Variants in DMKN observed in about 807,000 individuals in gnomAD.
The protein encoded by DMKN is dermokine.
In DMKN, 58 loss-of-function variants were observed where a neutral mutation model predicts 67.6. That is an observed-to-expected ratio of 0.86 (90% CI 0.69 to 1.07). The LOEUF is 1.07. DMKN is among the 50% of genes least tolerant of loss of function. The pLI, the probability that DMKN is intolerant of heterozygous loss-of-function variation, is 0.00. For missense variants in DMKN, 596 were observed against 601.5 expected (o/e 0.99, Z 0.10); for synonymous variants, 240 against 232.3 (o/e 1.03, Z -0.30).
chr19:35,499,809 C>T, intron 13 of DMKN, 149 bp downstream of exon 13: 1 of 747,898 alleles, frequency 1.3e-6, no homozygotes. Context: ...ACCCGAGTCT[C>T]CCTTGCAAAG....
chr19:35,500,650 C>A, intron 11 of DMKN, 70 bp from the exon 12 acceptor site: 1 of 1,519,164 alleles, frequency 6.6e-7, no homozygotes, highest in Non-Finnish European at 8.9e-7. Flanking sequence ...TTCAGAGCCC[C>A]AGTTTCTCCC....
At chr19:35,502,774 G>A in intron 10 of DMKN, 56 bp downstream of exon 10, 2 of 1,592,728 alleles carry the variant, frequency 1.3e-6, no homozygotes, top group South Asian at 2.2e-5. Flanking sequence ...AGGGAGGCTT[G>A]GGGAGAGTCA....
intron 4 of DMKN, 35 bp downstream of exon 4, chr19:35,511,728 G>T: frequency 6.2e-7 from 1 of 1,604,474 alleles, no homozygotes; most frequent in Non-Finnish European, 8.5e-7. Context: ...ATTTCCTCCT[G>T]GTGCACAACT....
At chr19:35,505,512 A>T (rs1376511281) in intron 9 of DMKN, among the ~76,000 whole-genome samples, 1 of 151,946 alleles carries the variant, frequency 6.6e-6, no homozygotes, top group African/African-American at 2.4e-5. Flanking sequence ...CCTCTGCTCA[A>T]CCTCAATCTC....
In DMKN at chr19:35,511,561, G is replaced by A. The variant is rs776607325; in HGVS notation, c.768C>T (p.Gly256=). Reference sequence around the variant, plus strand: ...TGTTGTTGTCACCATTGCTGCCACTGCCACTGCTGCCCGACTGTGAGCCGC... The same window carrying A: ...TGTTGTTGTCACCATTGCTGCCACTACCACTGCTGCCCGACTGTGAGCCGC... The part of the protein sequence containing the change: ...GGSGSQSGSS[G]SGSNGDNNNG... The change falls in exon 5 of 16, where the codon GGC becomes GGT. Residue 256 remains glycine, a synonymous_variant. Coordinates refer to ENST00000339686, the MANE Select transcript of DMKN (RefSeq NM_033317.5). 1 of 1,608,880 alleles carries A rather than the reference G, an allele frequency of 6.2e-7. No individual in the cohort carries two copies. Among genetic ancestry groups the A allele is most frequent in the Non-Finnish European group, 8.5e-7 (1 of 1,178,624 alleles).
Position 35,505,962 on chromosome 19 carries a change from ACATCCCAGGAGACGT to A in DMKN, c.1048_1062del (p.Thr350_Met354del). ...ACCTTCCAGAAAGTGTCAAAGTTAA[ACATCCCAGGAGACGT>A]CTCAGAGTTCTATGGAACCAAGGAG... is the stretch of plus-strand genomic sequence containing the variant. On this transcript the variant is annotated inframe_deletion, in exon 8 of 16. Coordinates refer to ENST00000339686, the MANE Select transcript of DMKN (RefSeq NM_033317.5). 6.2e-7 allele frequency: 1 copy of A among 1,614,176 alleles called. No individual in the cohort carries two copies. Among genetic ancestry groups the A allele is most frequent in the Non-Finnish European group, 8.5e-7 (1 of 1,180,040 alleles).
At chr19:35,501,941 A>G (rs1447648632) in intron 11 of DMKN, 195 bp downstream of exon 11, 2 of 1,557,318 alleles carry the variant, frequency 1.3e-6, no homozygotes, top group Admixed American at 1.9e-5. Flanking sequence ...CTCGGCTTTT[A>G]TGCTAGGGAG....
intron 7 of DMKN, chr19:35,508,647 T>C (rs1488303847): frequency 1.2e-5 from 2 of 169,678 alleles, no homozygotes; most frequent in Non-Finnish European, 2.5e-5. Flanking sequence ...ATCAATTTCC[T>C]CCTCTCTGTT....
intron 7 of DMKN, among the ~76,000 whole-genome samples, chr19:35,508,853 G>A (rs1305692837): frequency 1.3e-5 from 2 of 152,092 alleles, no homozygotes; most frequent in Non-Finnish European, 2.9e-5. Flanking sequence ...GGTACACCAA[G>A]AGCAAAAACC....
chr19:35,512,767 G>C lies in DMKN; in HGVS notation c.450C>G (p.Ile150Met). ...GAWETSGGHG[I>M]FGSQGGLGGQ... Reference sequence around the variant, plus strand: ...CTCCAAGGCCACCTTGAGAGCCAAAGATGCCATGGCCTCCAGAAGTTTCCT... The same window carrying C: ...CTCCAAGGCCACCTTGAGAGCCAAACATGCCATGGCCTCCAGAAGTTTCCT... The change falls in exon 2 of 16, where the codon ATC becomes ATG. Residue 150 changes from isoleucine to methionine, a missense_variant. By Grantham distance (10) the Ile-to-Met change is conservative. Coordinates refer to ENST00000339686, the MANE Select transcript of DMKN (RefSeq NM_033317.5). 1 of 1,613,824 alleles carries C rather than the reference G, an allele frequency of 6.2e-7. No individual in the cohort carries two copies. The highest frequency in any genetic ancestry group is 1.1e-5 in the South Asian group (1 of 91,074).
intron 13 of DMKN, 24 bp from the exon 14 acceptor site, chr19:35,498,921 G>A: frequency 1.2e-6 from 2 of 1,614,176 alleles, no homozygotes; most frequent in Non-Finnish European, 1.7e-6. Context: ...AAAGGAAAGT[G>A]ATGTGGGGTC....
chr19:35,507,346 G>T, intron 7 of DMKN: 1 of 1,089,238 alleles, frequency 9.2e-7, no homozygotes, highest in Non-Finnish European at 1.3e-6. Context: ...ACTGGACGCA[G>T]ATTCAGAGCA....
chr19:35,508,314 T>C (rs926639935), intron 7 of DMKN: 2 of 1,518,170 alleles, frequency 1.3e-6, no homozygotes, highest in Non-Finnish European at 1.8e-6. Flanking sequence ...AATGTATTGA[T>C]TTAATATGAT....
chr19:35,504,545 T>C (rs1319268862), intron 9 of DMKN, among the ~76,000 whole-genome samples: 1 of 130,672 alleles, frequency 7.7e-6, no homozygotes, highest in African/African-American at 3.0e-5. Flanking sequence ...ACCACTACAC[T>C]CCAACCTGGG....
chr19:35,511,392 A>C lies in DMKN; in HGVS notation c.918+19T>G, dbSNP rs758510081. The C allele has an allele frequency of 3.1e-6, 5 of 1,607,040 alleles. No individual in the cohort carries two copies. In the East Asian group the frequency reaches 6.7e-5, roughly 21 times the overall value. Reference sequence around the variant, plus strand: ...GGGCCTCACCCCATCTCAGCCTTCCACAGAGGTGCCAAACTCACCCAGGAG... The same window carrying C: ...GGGCCTCACCCCATCTCAGCCTTCCCCAGAGGTGCCAAACTCACCCAGGAG... On this transcript the variant is annotated intron_variant, in intron 5 of 15. Coordinates refer to ENST00000339686, the MANE Select transcript of DMKN (RefSeq NM_033317.5).
chr19:35,513,154 T>C lies in DMKN; in HGVS notation c.322A>G (p.Asn108Asp). Residue 108 changes from asparagine to aspartate, a missense_variant, in exon 1 of 16, where the codon AAC (asparagine) becomes GAC (aspartate). Physicochemically the swap from Asn to Asp is conservative, Grantham distance 23. Transcript: ENST00000339686. ...RVGEAAHALG[N>D]TGHEIGRQAE... ...TGTCTGCCAATCTCGTGCCCAGTGT[T>C]TCCCAGAGCATGGGCTGCTTCCCCG... The C allele has an allele frequency of 2.5e-6, 4 of 1,614,156 alleles. No individual in the cohort carries two copies. The highest frequency in any genetic ancestry group is 3.4e-6 in the Non-Finnish European group (4 of 1,180,022).
At position 35,513,293 on chromosome 19, in the gene DMKN, C is replaced by T. The variant is rs1209021113; in HGVS notation, c.183G>A (p.Gly61=). The change falls in exon 1 of 16, where the codon GGG becomes GGA. Residue 61 remains glycine, a synonymous_variant. Coordinates refer to ENST00000339686, the MANE Select transcript of DMKN (RefSeq NM_033317.5). ...VGKAIGKEAG[G]AAGSKVSEAL... is the part of the protein sequence containing the mutation. ...CCTCACTGACTTTAGAGCCAGCTGC[C>T]CCTCCGGCCTCTTTGCCAATGGCCT... 2 of 1,613,818 alleles carry T rather than the reference C, an allele frequency of 1.2e-6. No individual in the cohort carries two copies. The highest frequency in any genetic ancestry group is 2.2e-5 in the South Asian group (2 of 91,054).
chr19:35,500,112 G>C (rs2068101078), intron 12 of DMKN, 83 bp from the exon 13 acceptor site: 1 of 1,492,568 alleles, frequency 6.7e-7, no homozygotes, highest in Non-Finnish European at 9.3e-7. Flanking sequence ...CTTCCTGCCT[G>C]GACCAGACCT....
At chr19:35,508,275 T>G in intron 7 of DMKN, 1 of 1,551,332 alleles carries the variant, frequency 6.4e-7, no homozygotes, top group Non-Finnish European at 8.7e-7. Flanking sequence ...AGACCCCTGC[T>G]GAAGATCCTG....
Sources: allele counts gnomAD v4.1 joint callset (sites outside exome capture counted in the v4.1 genomes callset), GRCh38; gene constraint gnomAD v4.1.1; transcripts MANE v1.5; gene names NCBI Gene and HGNC (gene_info 2026-07-23, HGNC 2026-07-21).